The following SYT3 variants were observed in gnomAD, a reference collection of about 807,000 sequenced individuals.
SYT3 encodes the protein synaptotagmin-3.
A neutral mutation model predicts 50.6 loss-of-function variants in SYT3; 25 were observed. The observed-to-expected ratio is 0.49, with a 90% CI of 0.36 to 0.69. SYT3 has a LOEUF of 0.69. Among genes scored for constraint, SYT3 ranks in the 30% least tolerant of loss-of-function variants. The probability of loss-of-function intolerance (pLI) is 0.00; values close to 1 mark genes in which losing one functional copy is unlikely to be tolerated. For synonymous variants in SYT3, 323 were observed against 353.9 expected (o/e 0.91, Z 0.98); for missense variants, 589 against 793.6 (o/e 0.74, Z 3.10).
the SYT3 span, among the ~76,000 whole-genome samples, chr19:50,654,662 C>G: frequency 6.9e-6 from 1 of 144,690 alleles, no homozygotes; most frequent in Non-Finnish European, 1.5e-5. Context: ...TTCTCCCTTT[C>G]TCTGTCACCC....
rs1405443642 is a variant in SYT3 at position 50,639,806 on chromosome 19, CGCCGCT to C, written c.-176_-171del. ...CGGACTCACCCGGAGCCGCCGCTGC[CGCCGCT>C]GCCGCCGCCGCCGCCGCCGCAGCCC... is the stretch of plus-strand genomic sequence containing the variant. On this transcript the variant is annotated 5_prime_UTR_variant, in exon 1 of 11. Transcript: ENST00000600079. This position sits in a 1 kb window ranked among gnomAD's most constrained non-coding sequence, Gnocchi z 4.6. The C allele has an allele frequency of 2.9e-4, 45 of 156,666 alleles. No homozygotes were observed. Among genetic ancestry groups the C allele is most frequent in the African/African-American group, 5.6e-4 (23 of 41,270 alleles). The allele number at this position is 156,666 out of a possible 1,614,324, so 9.7% of individuals were successfully genotyped here.
the SYT3 span, among the ~76,000 whole-genome samples, chr19:50,652,398 G>A: frequency 6.6e-6 from 1 of 151,998 alleles, no homozygotes; most frequent in Non-Finnish European, 1.5e-5. Flanking sequence ...GTGTAATTAG[G>A]GAATCATAGA....
At chr19:50,640,237 A>T (rs1984637455), upstream of SYT3, among the ~76,000 whole-genome samples, 1 of 152,226 alleles carries the variant, frequency 6.6e-6, no homozygotes, top group South Asian at 2.1e-4. Context: ...TGCCACAGCC[A>T]GGATAGAGGT....
chr19:50,646,506 G>T, the SYT3 span, among the ~76,000 whole-genome samples: 3 of 152,212 alleles, frequency 2.0e-5, no homozygotes, highest in African/African-American at 7.2e-5. Flanking sequence ...CCCTTGTGGC[G>T]TGATGCCAGA....
Position 50,632,560 on chromosome 19 carries a change from C to T in SYT3, c.400G>A (p.Ala134Thr). The T allele has an allele frequency of 1.3e-6, 2 of 1,596,644 alleles. No homozygotes were observed. The highest frequency in any genetic ancestry group is 1.7e-6 in the Non-Finnish European group (2 of 1,173,392). ...HPLLGGPHHH[A>T]HAAHHPPFAE... ...AAGGGTGGATGGTGGGCGGCATGGG[C>T]ATGGTGGTGTGGGCCGCCCAGCAGA... The change falls in exon 4 of 11, where the codon GCC (alanine) becomes ACC (threonine). Residue 134 changes from alanine to threonine, a missense_variant. Coordinates refer to ENST00000600079, the MANE Select transcript of SYT3 (RefSeq NM_001160329.2). This position sits in a 1 kb window ranked among gnomAD's most constrained non-coding sequence, Gnocchi z 4.7.
At chr19:50,651,420 C>T in the SYT3 span, among the ~76,000 whole-genome samples, 1 of 151,914 alleles carries the variant, frequency 6.6e-6, no homozygotes, top group Non-Finnish European at 1.5e-5. Flanking sequence ...GCCCCTAGAC[C>T]GGGAGACTGG....
chr19:50,634,507 C>G (rs1432121253), intron 3 of SYT3, among the ~76,000 whole-genome samples: 1 of 151,136 alleles, frequency 6.6e-6, no homozygotes, highest in African/African-American at 2.4e-5. Context: ...AGTGGCCCTG[C>G]AGGGACATAT....
At chr19:50,641,311 C>T (rs905147036), upstream of SYT3, among the ~76,000 whole-genome samples, 27 of 149,548 alleles carry the variant, frequency 1.8e-4, no homozygotes, top group African/African-American at 6.6e-4. Flanking sequence ...TCCTGAGTAG[C>T]TGGGACTACA....
intron 6 of SYT3, among the ~76,000 whole-genome samples, chr19:50,628,869 C>A (rs565359032): frequency 2.0e-5 from 3 of 147,080 alleles, no homozygotes; most frequent in Non-Finnish European, 4.5e-5. Flanking sequence ...TTGTTGCCTA[C>A]GCTGGAGTGC....
At position 50,632,375 on chromosome 19, in the gene SYT3, G is replaced by A. The variant is rs778942151; in HGVS notation, c.585C>T (p.Gly195=). 5 of 1,612,740 alleles carry A rather than the reference G, an allele frequency of 3.1e-6. No individual in the cohort carries two copies. The East Asian group carries it at 1.1e-4, about 36-fold the overall frequency. ...SPELPSEGGA[G]SGLLLLPPSG... ...TGGGGGGCAGCAGGAGCAACCCAGA[G>A]CCTGCTCCCCCCTCAGAGGGCAGCT... Residue 195 remains glycine, a synonymous_variant, in exon 4 of 11, where the codon GGC becomes GGT. Transcript: ENST00000600079. This position sits in a 1 kb window ranked among gnomAD's most constrained non-coding sequence, Gnocchi z 4.7.
At chr19:50,642,200 C>T (rs1304044519), upstream of SYT3, among the ~76,000 whole-genome samples, 1 of 152,246 alleles carries the variant, frequency 6.6e-6, no homozygotes, top group Non-Finnish European at 1.5e-5. Context: ...CATGCCAACT[C>T]TAACAGCCCG....
At chr19:50,626,905 G>A (rs1270678584) in intron 6 of SYT3, among the ~76,000 whole-genome samples, 1 of 152,030 alleles carries the variant, frequency 6.6e-6, no homozygotes, top group Non-Finnish European at 1.5e-5. Flanking sequence ...ACCAGAGAGC[G>A]AGAGAGAAAC....
At chr19:50,627,907 G>A (rs901887704) in intron 6 of SYT3, among the ~76,000 whole-genome samples, 3 of 152,202 alleles carry the variant, frequency 2.0e-5, no homozygotes, top group African/African-American at 7.2e-5. Context: ...CTGGGAGTAG[G>A]AGCTGGTGGA....
At chr19:50,626,506 G>GTT (rs1447373129) in intron 6 of SYT3, among the ~76,000 whole-genome samples, 1 of 139,800 alleles carries the variant, frequency 7.2e-6, no homozygotes, top group Non-Finnish European at 1.5e-5. Flanking sequence ...GAGAGAGAGG[G>GTT]GGGGGGACAG....
rs139829580 is a variant in SYT3, at chr19:50,631,043, C to A, written c.675-872G>T. 3.5e-3 allele frequency among the ~76,000 whole-genome samples: 531 copies of A among 152,318 alleles called. 1 individual carries two copies. Among genetic ancestry groups the A allele is most frequent in the East Asian group, 0.014 (73 of 5,192 alleles). On this transcript the variant is annotated intron_variant, in intron 4 of 10. Coordinates refer to ENST00000600079, the MANE Select transcript of SYT3 (RefSeq NM_001160329.2). ...GCCTGCCCCTCCCCTGCTCACAGCC[C>A]TCCCATGGCTCCTCAGTGCCCTCAG...
the SYT3 span, among the ~76,000 whole-genome samples, chr19:50,653,841 A>AT: frequency 6.6e-6 from 1 of 151,630 alleles, no homozygotes; most frequent in East Asian, 1.9e-4. Context: ...TTTGCTCTGG[A>AT]TGGGAGACTG....
chr19:50,644,986 C>T, the SYT3 span, among the ~76,000 whole-genome samples: 1 of 152,176 alleles, frequency 6.6e-6, no homozygotes, highest in African/African-American at 2.4e-5. Context: ...TTCACAAATA[C>T]CTACAGATTC....
Position 50,629,833 on chromosome 19 carries a change from T to C in SYT3, c.1013A>G (p.Tyr338Cys). The C allele has an allele frequency of 1.2e-6, 2 of 1,613,968 alleles. No homozygotes were observed. Among genetic ancestry groups the C allele is most frequent in the Non-Finnish European group, 1.7e-6 (2 of 1,179,914 alleles). ...GTCAGGCAGCAGGTAGATCTTGACG[T>C]AGGGGTCTGAGAAGCCGTTGGAGTC... The part of the protein sequence containing the change: ...AKDSNGFSDP[Y>C]VKIYLLPDRK... The change falls in exon 5 of 11, where the codon TAC (tyrosine) becomes TGC (cysteine). Residue 338 changes from tyrosine (Y) to cysteine (C), a missense_variant. Tyr to Cys is a radical substitution (Grantham distance 194). Coordinates refer to ENST00000600079, the MANE Select transcript of SYT3 (RefSeq NM_001160329.2).
the SYT3 span, among the ~76,000 whole-genome samples, chr19:50,648,610 C>A: frequency 1.3e-5 from 1 of 77,636 alleles, no homozygotes; most frequent in African/African-American, 7.9e-5. Flanking sequence ...GAAGTCCAGG[C>A]CCCCATCCTC....
Sources: allele counts gnomAD v4.1 joint callset (sites outside exome capture counted in the v4.1 genomes callset), GRCh38; gene constraint gnomAD v4.1.1; non-coding constraint Gnocchi (gnomAD v3.1); transcripts MANE v1.5; gene names NCBI Gene and HGNC (gene_info 2026-07-23, HGNC 2026-07-21).